Variants in FUBP1 observed in about 807,000 individuals in gnomAD.
FUBP1 encodes far upstream element binding protein 1, also known as far upstream element-binding protein 1.
In FUBP1, 16 loss-of-function variants were observed where a neutral mutation model predicts 94.9. That is an observed-to-expected ratio of 0.17 (90% CI 0.11 to 0.26). FUBP1 has a LOEUF of 0.26. FUBP1 is among the 10% of genes least tolerant of loss of function. The pLI, the probability that FUBP1 is intolerant of heterozygous loss-of-function variation, is 1.00. For missense variants in FUBP1, 583 were observed against 808.6 expected (o/e 0.72, Z 3.38); for synonymous variants, 279 against 254.9 (o/e 1.09, Z -0.90).
At chr1:77,975,897 C>T (rs1658506042) in intron 1 of FUBP1, among the ~76,000 whole-genome samples, 1 of 151,806 alleles carries the variant, frequency 6.6e-6, no homozygotes, top group African/African-American at 2.4e-5. Flanking sequence ...AGAAGATTGG[C>T]AACTAAATGA....
Position 77,949,311 on chromosome 1 carries a change from A to G in FUBP1, c.1781-11T>C, listed in dbSNP as rs569201989. ...CAGGAACTGCCTGACCTTTGAAAAA[A>G]AAGAACTTTGTTGCTGTAACCACAA... On this transcript the variant is annotated splice_polypyrimidine_tract_variant and intron_variant, in intron 18 of 19. Transcript: ENST00000370768. 2.5e-6 allele frequency: 4 copies of G among 1,611,126 alleles called. No individual in the cohort carries two copies. In the Admixed American group the frequency reaches 5.0e-5, roughly 20 times the overall value.
Position 77,946,878 on chromosome 1 carries a change from C to T in FUBP1, c.*1888G>A, listed in dbSNP as rs1652267705. The T allele has an allele frequency of 4.9e-6, 1 of 204,582 alleles. No individual in the cohort carries two copies. The highest frequency in any genetic ancestry group is 1.0e-5 in the Non-Finnish European group (1 of 99,994). 12.7% of individuals were successfully genotyped at this position (204,582 alleles called of 1,614,324 possible). A position where few individuals can be genotyped will look rare whatever the true frequency, so the allele number is the denominator to read the frequency against. On this transcript the variant is annotated 3_prime_UTR_variant, in exon 20 of 20. Coordinates refer to ENST00000370768, the MANE Select transcript of FUBP1 (RefSeq NM_003902.5). Reference sequence around the variant, plus strand: ...ATCTAAATAAGGGTAAGGGAAGTCACTCTAGGTTATATAAAACAATCAAAA... The same window carrying T: ...ATCTAAATAAGGGTAAGGGAAGTCATTCTAGGTTATATAAAACAATCAAAA...
At chr1:77,950,645 GTA>G (rs550243071) in intron 18 of FUBP1, among the ~76,000 whole-genome samples, 19 of 152,268 alleles carry the variant, frequency 1.2e-4, no homozygotes, top group Non-Finnish European at 2.5e-4. Context: ...AGAAGAGAGA[GTA>G]TATGTTCTCC....
At chr1:77,977,146 G>C (rs1557484924) in intron 1 of FUBP1, among the ~76,000 whole-genome samples, 1 of 152,184 alleles carries the variant, frequency 6.6e-6, no homozygotes, top group Non-Finnish European at 1.5e-5. Context: ...CTGTTCATCT[G>C]CATTTGGTCA....
At position 77,960,508 on chromosome 1, in the gene FUBP1, G is replaced by C; in HGVS notation, c.1345-13C>G. 1 of 1,587,940 alleles carries C rather than the reference G, an allele frequency of 6.3e-7. No individual in the cohort carries two copies. The highest frequency in any genetic ancestry group is 1.4e-5 in the African/African-American group (1 of 73,892). On this transcript the variant is annotated splice_polypyrimidine_tract_variant and intron_variant, in intron 14 of 19. Transcript: ENST00000370768. Reference sequence around the variant, plus strand: ...GATTTACTGGGCCCTACAAAAAAAAGGATGACATAGAAAAATCAGAAAAAC... The same window carrying C: ...GATTTACTGGGCCCTACAAAAAAAACGATGACATAGAAAAATCAGAAAAAC...
chr1:77,976,721 G>A (rs1658668642), intron 1 of FUBP1, among the ~76,000 whole-genome samples: 2 of 152,150 alleles, frequency 1.3e-5, no homozygotes, highest in Admixed American at 6.5e-5. Context: ...CTTAAACTCC[G>A]ACTTCAAGTG....
chr1:77,955,428 T>G, intron 17 of FUBP1, 99 bp from the exon 18 acceptor site: 2 of 703,944 alleles, frequency 2.8e-6, no homozygotes. Flanking sequence ...GCCTGCAATG[T>G]GACAGTGAGG....
chr1:77,978,655 CCTT>C (rs1233143670), intron 1 of FUBP1, among the ~76,000 whole-genome samples: 5 of 152,212 alleles, frequency 3.3e-5, no homozygotes, highest in Non-Finnish European at 5.9e-5. Context: ...AGACTTCAGG[CCTT>C]CTTTGCGTAG....
intron 1 of FUBP1, among the ~76,000 whole-genome samples, chr1:77,975,548 T>C (rs1021353561): frequency 6.6e-5 from 10 of 152,234 alleles, no homozygotes; most frequent in Admixed American, 5.9e-4. Context: ...TTCATAGTTG[T>C]CTAGAGGGGA....
chr1:77,967,938 A>G (rs1656821583), intron 3 of FUBP1, among the ~76,000 whole-genome samples: 1 of 152,166 alleles, frequency 6.6e-6, no homozygotes, highest in Non-Finnish European at 1.5e-5. Flanking sequence ...TGGAGTTGTT[A>G]AATATGTAAA....
At chr1:77,972,791 G>T (rs563880937) in intron 1 of FUBP1, among the ~76,000 whole-genome samples, 1 of 150,106 alleles carries the variant, frequency 6.7e-6, no homozygotes, top group Non-Finnish European at 1.5e-5. Context: ...GAAAAGAAAA[G>T]AAAAGAAAAA....
At chr1:77,949,323 T>A (rs1652878882) in intron 18 of FUBP1, 23 bp from the exon 19 acceptor site, 5 of 1,603,282 alleles carry the variant, frequency 3.1e-6, no homozygotes, top group Non-Finnish European at 4.3e-6. Context: ...AGAACTTTGT[T>A]GCTGTAACCA....
chr1:77,966,821 TTA>T, intron 6 of FUBP1, 61 bp downstream of exon 6: 1 of 1,255,804 alleles, frequency 8.0e-7, no homozygotes, highest in Non-Finnish European at 1.1e-6. Flanking sequence ...ACTAGAAGGC[TTA>T]AAAAAAAAAA....
chr1:77,947,062 T>G lies in FUBP1; in HGVS notation c.*1704A>C, dbSNP rs1431238147. ...ATATATTTATGAAATGTGTTAAAAT[T>G]GCTACATTGCTCATTATTTGCAAAC... On this transcript the variant is annotated 3_prime_UTR_variant, in exon 20 of 20. Transcript: ENST00000370768. 1 of 208,360 alleles carries G rather than the reference T, an allele frequency of 4.8e-6. No individual in the cohort carries two copies. Among genetic ancestry groups the G allele is most frequent in the African/African-American group, 2.3e-5 (1 of 43,874 alleles). The allele number at this position is 208,360 out of a possible 1,614,324, so 12.9% of individuals were successfully genotyped here. A position where few individuals can be genotyped will look rare whatever the true frequency, so the allele number is the denominator to read the frequency against.
chr1:77,974,308 A>T (rs1658188388), intron 1 of FUBP1, among the ~76,000 whole-genome samples: 2 of 151,510 alleles, frequency 1.3e-5, no homozygotes, highest in South Asian at 4.2e-4. Flanking sequence ...AATTTTTTGT[A>T]TTTTTAGTAG....
chr1:77,948,465 T>C lies in FUBP1; in HGVS notation c.*301A>G, dbSNP rs929487248. 4 of 1,179,520 alleles carry C rather than the reference T, an allele frequency of 3.4e-6. No homozygotes were observed. The highest frequency in any genetic ancestry group is 3.7e-5 in the East Asian group (1 of 26,958). The allele number at this position is 1,179,520 out of a possible 1,614,324, so 73.1% of individuals were successfully genotyped here. A position where few individuals can be genotyped will look rare whatever the true frequency, so the allele number is the denominator to read the frequency against. On this transcript the variant is annotated 3_prime_UTR_variant, in exon 20 of 20. Coordinates refer to ENST00000370768, the MANE Select transcript of FUBP1 (RefSeq NM_003902.5). ...GGCATTTTAAAAGTGAAAGTATACA[T>C]TGAAAAAGTACATTTATATCACAAA...
rs1656070008 is a variant in FUBP1 at position 77,964,313 on chromosome 1, T to C, written c.881A>G (p.Asn294Ser). The C allele has an allele frequency of 1.9e-6, 3 of 1,606,932 alleles. No homozygotes were observed. Among genetic ancestry groups the C allele is most frequent in the Non-Finnish European group, 1.7e-6 (2 of 1,178,482 alleles). ...RFAVGIVIGRNGEMIKKIQND... is the reference protein window; with the variant it reads ...RFAVGIVIGRSGEMIKKIQND... Reference sequence around the variant, plus strand: ...TTGTATTTTTTTGATCATCTCTCCATTTCTTCCTATTACAATGCCAACAGC... The same window carrying C: ...TTGTATTTTTTTGATCATCTCTCCACTTCTTCCTATTACAATGCCAACAGC... Residue 294 changes from asparagine to serine, a missense_variant, in exon 11 of 20, where the codon AAT (asparagine) becomes AGT (serine). By Grantham distance (46) the Asn-to-Ser change is conservative. Coordinates refer to ENST00000370768, the MANE Select transcript of FUBP1 (RefSeq NM_003902.5).
chr1:77,953,217 C>T (rs999333948), intron 18 of FUBP1, among the ~76,000 whole-genome samples: 1 of 151,748 alleles, frequency 6.6e-6, no homozygotes, highest in African/African-American at 2.4e-5. Flanking sequence ...AGGCTGGGTG[C>T]AGTGGCTCAC....
At chr1:77,974,237 G>A (rs748428047) in intron 1 of FUBP1, among the ~76,000 whole-genome samples, 36 of 149,650 alleles carry the variant, frequency 2.4e-4, no homozygotes, top group African/African-American at 7.1e-4. Context: ...CCGGGTTCAC[G>A]CCATTCTCCT....
Sources: gnomAD v4.1 joint callset for allele counts (sites outside exome capture counted in the v4.1 genomes callset) on GRCh38, gnomAD v4.1.1 for gene constraint, MANE v1.5 for transcripts, NCBI Gene and HGNC (gene_info 2026-07-23, HGNC 2026-07-21) for gene names.